NUDT12: variants seen among roughly 807,000 people sequenced by gnomAD.
The protein encoded by NUDT12 is NAD-capped RNA hydrolase NUDT12.
A neutral mutation model predicts 45.7 loss-of-function variants in NUDT12; 42 were observed. That is an observed-to-expected ratio of 0.92 (90% CI 0.72 to 1.19). The LOEUF (loss-of-function observed/expected upper bound fraction) is 1.19. NUDT12 is among the 50% of genes most tolerant of loss of function. The pLI is 0.00. For missense variants in NUDT12, 590 were observed against 533.1 expected (o/e 1.11, Z -1.05); for synonymous variants, 206 against 179.7 (o/e 1.15, Z -1.17).
chr5:103,554,062 A>C (rs924193418), intron 5 of NUDT12, among the ~76,000 whole-genome samples: 2 of 152,052 alleles, frequency 1.3e-5, no homozygotes, highest in African/African-American at 4.8e-5. Context: ...GCCTGATACT[A>C]TATGTTTACT....
At position 103,559,222 on chromosome 5, in the gene NUDT12, A is replaced by G; in HGVS notation, c.453T>C (p.Ile151=). ...CCAAGGGATTTAAATCTGAGAAAAG[A>G]ATAAAAACTGTGGCTGGATGGCTTT... is the stretch of plus-strand genomic sequence containing the variant. ...AKESHPATVF[I]LFSDLNPLVT... The change falls in exon 3 of 7, where the codon ATT becomes ATC. Residue 151 remains isoleucine (I), a synonymous_variant. Coordinates refer to ENST00000230792, the MANE Select transcript of NUDT12 (RefSeq NM_031438.4). The G allele has an allele frequency of 6.4e-7, 1 of 1,564,558 alleles. No individual in the cohort carries two copies. The highest frequency in any genetic ancestry group is 8.6e-7 in the Non-Finnish European group (1 of 1,159,734).
At chr5:103,554,540 A>G (rs1748752513) in intron 5 of NUDT12, 200 bp downstream of exon 5, 1 of 283,630 alleles carries the variant, frequency 3.5e-6, no homozygotes, top group Non-Finnish European at 6.4e-6. Context: ...CCAAATTACT[A>G]GGAAAAGTAA....
At chr5:103,562,327 C>G (rs1427812451) in intron 1 of NUDT12, among the ~76,000 whole-genome samples, 1 of 152,122 alleles carries the variant, frequency 6.6e-6, no homozygotes, top group African/African-American at 2.4e-5. Context: ...CCTGGGCACT[C>G]AAGACCAATT....
At chr5:103,551,093 A>G (rs2112443403) in intron 6 of NUDT12, 122 bp from the exon 7 acceptor site, 1 of 681,042 alleles carries the variant, frequency 1.5e-6, no homozygotes. Flanking sequence ...AACAGTAGAA[A>G]GTGACAACAT....
rs146421206 is a variant in NUDT12, at chr5:103,556,086, T to A, written c.809A>T (p.Gln270Leu). The A allele has an allele frequency of 7.1e-5, 114 of 1,602,912 alleles. 2 individuals carry two copies. In the South Asian group the frequency reaches 9.1e-4, roughly 13 times the overall value. The change falls in exon 4 of 7, where the codon CAA becomes CTA. Residue 270 changes from glutamine to leucine, a missense_variant. Coordinates refer to ENST00000230792, the MANE Select transcript of NUDT12 (RefSeq NM_031438.4). ...LKEKEAGVVA[Q>L]ARSVLAWHSR... ...GTGCCAGGCAAGAACAGATCTTGCT[T>A]GAGCTACAACCCCTTCAAAAAAAAG...
chr5:103,555,543 G>A (rs1270372594), intron 4 of NUDT12, among the ~76,000 whole-genome samples: 3 of 151,990 alleles, frequency 2.0e-5, no homozygotes, highest in Non-Finnish European at 4.4e-5. Context: ...ACTCAAGGCA[G>A]CAATTAGAAG....
Position 103,559,241 on chromosome 5 carries a change from T to A in NUDT12, c.434A>T (p.His145Leu). 6.3e-7 allele frequency: 1 copy of A among 1,578,460 alleles called. No homozygotes were observed. The highest frequency in any genetic ancestry group is 8.6e-7 in the Non-Finnish European group (1 of 1,165,056). ...NSDWLLAKES[H>L]PATVFILFSD... ...GAAAAGAATAAAAACTGTGGCTGGA[T>A]GGCTTTCTTTAGCTAGCAGCCAGTC... Residue 145 changes from histidine (H) to leucine (L), a missense_variant, in exon 3 of 7, where the codon CAT (histidine) becomes CTT (leucine). Coordinates refer to ENST00000230792, the MANE Select transcript of NUDT12 (RefSeq NM_031438.4).
chr5:103,552,378 C>T lies in NUDT12; in HGVS notation c.1117G>A (p.Glu373Lys), dbSNP rs1286599975. The T allele has an allele frequency of 9.3e-6, 15 of 1,613,916 alleles. No individual in the cohort carries two copies. The highest frequency in any genetic ancestry group is 1.3e-5 in the African/African-American group (1 of 75,032). The change falls in exon 6 of 7, where the codon GAG (glutamate) becomes AAG (lysine). Residue 373 changes from glutamate to lysine, a missense_variant. Physicochemically the swap from Glu to Lys is moderately conservative, Grantham distance 56 (BLOSUM62 1). Coordinates refer to ENST00000230792, the MANE Select transcript of NUDT12 (RefSeq NM_031438.4). The stretch of plus-strand genomic sequence containing the variant: ...TGGCCAACTTTGACTCCACTTTCCT[C>T]TTCTACTTCTCTCCTAACAGCATCT... ...IEDAVRREVE[E>K]ESGVKVGHVQ... is the part of the protein sequence containing the mutation.
intron 1 of NUDT12, among the ~76,000 whole-genome samples, chr5:103,561,828 A>T (rs1220495625): frequency 3.3e-5 from 5 of 152,200 alleles, no homozygotes; most frequent in Non-Finnish European, 7.3e-5. Context: ...AGGTAACTGC[A>T]AAATTGTCCT....
chr5:103,557,280 G>GGTGTATATATATATATATATATATAT (rs1491335747), intron 3 of NUDT12, among the ~76,000 whole-genome samples: 3 of 118,934 alleles, frequency 2.5e-5, no homozygotes, highest in East Asian at 2.6e-4. Flanking sequence ...ATCTTAAAAT[G>GGTGTATATATATATATATATATATAT]ATATATATAT....
At chr5:103,553,423 G>A (rs908876572) in intron 5 of NUDT12, among the ~76,000 whole-genome samples, 5 of 151,970 alleles carry the variant, frequency 3.3e-5, no homozygotes, top group Admixed American at 6.6e-5. Flanking sequence ...AAATGAAAAC[G>A]AGATACGATT....
At position 103,559,239 on chromosome 5, in the gene NUDT12, G is replaced by A; in HGVS notation, c.436C>T (p.Pro146Ser). 1.3e-6 allele frequency: 2 copies of A among 1,576,624 alleles called. No individual in the cohort carries two copies. Among genetic ancestry groups the A allele is most frequent in the Non-Finnish European group, 1.7e-6 (2 of 1,164,246 alleles). Reference protein sequence around the residue: ...SDWLLAKESHPATVFILFSDL... With the variant: ...SDWLLAKESHSATVFILFSDL... ...GAGAAAAGAATAAAAACTGTGGCTG[G>A]ATGGCTTTCTTTAGCTAGCAGCCAG... The change falls in exon 3 of 7, where the codon CCA becomes TCA. Residue 146 changes from proline (P) to serine (S), a missense_variant. Pro to Ser is a moderately conservative substitution (Grantham distance 74). Coordinates refer to ENST00000230792, the MANE Select transcript of NUDT12 (RefSeq NM_031438.4).
Position 103,559,300 on chromosome 5 carries a change from T to C in NUDT12, c.375A>G (p.Leu125=), listed in dbSNP as rs1450217910. The change falls in exon 3 of 7, where the codon CTA becomes CTG. Residue 125 remains leucine (L), a synonymous_variant. Transcript: ENST00000230792. ...TTCTCTTTTCACTTTTCCGGTCCAGTAGTGTTTTGCTAAAATAATTTTCAC... is the reference window on the plus strand; with the variant it reads ...TTCTCTTTTCACTTTTCCGGTCCAGCAGTGTTTTGCTAAAATAATTTTCAC... ...EECENYFSKT[L]LDRKSEKRNN... 6.2e-7 allele frequency: 1 copy of C among 1,612,258 alleles called. No individual in the cohort carries two copies. The highest frequency in any genetic ancestry group is 2.2e-5 in the East Asian group (1 of 44,852).
At position 103,552,275 on chromosome 5, in the gene NUDT12, G is replaced by C; in HGVS notation, c.1220C>G (p.Thr407Arg). 1 of 1,613,912 alleles carries C rather than the reference G, an allele frequency of 6.2e-7. No homozygotes were observed. Among genetic ancestry groups the C allele is most frequent in the South Asian group, 1.1e-5 (1 of 91,078 alleles). The change falls in exon 6 of 7, where the codon ACA becomes AGA. Residue 407 changes from threonine to arginine, a missense_variant. Coordinates refer to ENST00000230792, the MANE Select transcript of NUDT12 (RefSeq NM_031438.4). ...TTCATTCTTGTCAACTTTAATTTCT[G>C]TAGACACTGCTAGAGCTAAGCAACC... ...MIGCLALAVS[T>R]EIKVDKNEIE...
At chr5:103,561,452 T>C (rs187649237) in intron 1 of NUDT12, among the ~76,000 whole-genome samples, 335 of 152,316 alleles carry the variant, frequency 2.2e-3, no homozygotes, top group Non-Finnish European at 3.7e-3. Flanking sequence ...CTCACAGTCA[T>C]GGAAACACTT....
At position 103,562,691 on chromosome 5, in the gene NUDT12, G is replaced by T. The variant is rs1308673932; in HGVS notation, c.-7+12C>A. 1 of 152,258 alleles carries T rather than the reference G, an allele frequency of 6.6e-6. No homozygotes were observed. The highest frequency in any genetic ancestry group is 2.4e-5 in the African/African-American group (1 of 41,350). The allele number at this position is 152,258 out of a possible 1,614,324, so 9.4% of individuals were successfully genotyped here. On this transcript the variant is annotated intron_variant, in intron 1 of 6. Coordinates refer to ENST00000230792, the MANE Select transcript of NUDT12 (RefSeq NM_031438.4). ...GCAATGAGACGACTAACTCCCCACTGCTTCTACTAACCCAAAGGTGACCAC... is the reference window on the plus strand; with the variant it reads ...GCAATGAGACGACTAACTCCCCACTTCTTCTACTAACCCAAAGGTGACCAC...
chr5:103,554,968 CTT>C (rs1748768342), intron 4 of NUDT12, 115 bp from the exon 5 acceptor site: 4 of 427,210 alleles, frequency 9.4e-6, no homozygotes, highest in Non-Finnish European at 1.7e-5. Context: ...GGATAGAACT[CTT>C]GTCTGGTTGT....
chr5:103,559,438 C>A lies in NUDT12; in HGVS notation c.237G>T (p.Arg79Ser), dbSNP rs745414928. The change falls in exon 3 of 7, where the codon AGG (arginine) becomes AGT (serine). Residue 79 changes from arginine (R) to serine (S), a missense_variant. Arg to Ser is a moderately radical substitution (Grantham distance 110). Transcript: ENST00000230792. ...GCDRSIVNKS[R>S]QTALDIAVFW... ...ATACAGCAATGTCCAGTGCAGTCTG[C>A]CTTGATTTATTGACAATTGATCTGT... 1 of 1,548,282 alleles carries A rather than the reference C, an allele frequency of 6.5e-7. No individual in the cohort carries two copies. Among genetic ancestry groups the A allele is most frequent in the South Asian group, 1.3e-5 (1 of 79,314 alleles).
intron 1 of NUDT12, 47 bp downstream of exon 1, chr5:103,562,656 C>G (rs1749074962): frequency 6.6e-6 from 1 of 152,452 alleles, no homozygotes; most frequent in South Asian, 2.1e-4. Flanking sequence ...GGTCACCGCC[C>G]CCAGAGGAGG....
Sources: gnomAD v4.1 joint callset for allele counts (sites outside exome capture counted in the v4.1 genomes callset) on GRCh38, gnomAD v4.1.1 for gene constraint, MANE v1.5 for transcripts, NCBI Gene and HGNC (gene_info 2026-07-23, HGNC 2026-07-21) for gene names.